The following GPC6 variants were observed in gnomAD, a reference collection of about 807,000 sequenced individuals.
The protein encoded by GPC6 is glypican 6.
GPC6 carries 14 observed loss-of-function variants against 55.2 expected under a neutral mutation model. That is an observed-to-expected ratio of 0.25 (90% CI 0.17 to 0.40). The LOEUF (loss-of-function observed/expected upper bound fraction) is 0.40, where lower values mean the gene tolerates loss of function less well. Ranked by LOEUF, GPC6 falls within the 10% of genes least tolerant of loss-of-function variation. The probability of loss-of-function intolerance (pLI) is 1.00; values close to 1 mark genes in which losing one functional copy is unlikely to be tolerated. For missense variants in GPC6, 641 were observed against 708.5 expected, an observed-to-expected ratio of 0.90 and a Z score of 1.08; for synonymous variants, 278 against 259.6, an observed-to-expected ratio of 1.07 and a Z score of -0.68.
At chr13:93,632,341 C>T (rs919533803) in intron 2 of GPC6, among the ~76,000 whole-genome samples, 1 of 152,050 alleles carries the variant, frequency 6.6e-6, no homozygotes, top group Admixed American at 6.6e-5. Flanking sequence ...GGCACAGTGG[C>T]TCAAGCCACT....
intron 1 of GPC6, among the ~76,000 whole-genome samples, chr13:93,376,426 CA>C (rs1874901524): frequency 6.6e-6 from 1 of 152,086 alleles, no homozygotes; most frequent in South Asian, 2.1e-4. Context: ...GAAACAAAGT[CA>C]GGGTTTATAT....
intron 4 of GPC6, among the ~76,000 whole-genome samples, chr13:94,116,881 A>T (rs1886449761): frequency 6.6e-6 from 1 of 152,012 alleles, no homozygotes; most frequent in African/African-American, 2.4e-5. Context: ...GTTAACATCA[A>T]CTTCTTTGTC....
intron 3 of GPC6, among the ~76,000 whole-genome samples, chr13:93,970,617 A>T (rs1467602475): frequency 1.3e-5 from 2 of 152,134 alleles, no homozygotes; most frequent in East Asian, 3.9e-4. Flanking sequence ...ATGATATGAC[A>T]CTGTGTTAGA....
At chr13:94,241,990 A>G (rs1399467121) in intron 4 of GPC6, among the ~76,000 whole-genome samples, 1 of 151,844 alleles carries the variant, frequency 6.6e-6, no homozygotes, top group Non-Finnish European at 1.5e-5. Context: ...ACATATGTAT[A>G]CATGTGCCAT....
chr13:94,270,230 T>G (rs192493981), intron 4 of GPC6, among the ~76,000 whole-genome samples: 2 of 152,304 alleles, frequency 1.3e-5, no homozygotes, highest in African/African-American at 4.8e-5. Context: ...TAAATAACTG[T>G]CAATTTAAAG....
At chr13:94,050,264 T>G (rs746696415) in intron 4 of GPC6, among the ~76,000 whole-genome samples, 1 of 152,182 alleles carries the variant, frequency 6.6e-6, no homozygotes, top group Non-Finnish European at 1.5e-5. Context: ...AATAAATTAC[T>G]GAATAACAGA....
At chr13:93,420,154 G>A (rs1876874706) in intron 1 of GPC6, among the ~76,000 whole-genome samples, 3 of 152,140 alleles carry the variant, frequency 2.0e-5, no homozygotes, top group Non-Finnish European at 4.4e-5. Flanking sequence ...CACCAACAAT[G>A]TTGTCAAACT....
intron 1 of GPC6, among the ~76,000 whole-genome samples, chr13:93,402,998 C>T (rs976958047): frequency 6.6e-6 from 1 of 152,036 alleles, no homozygotes; most frequent in Non-Finnish European, 1.5e-5. Context: ...GAAAAATACA[C>T]ATTTATAAAT....
intron 7 of GPC6, among the ~76,000 whole-genome samples, chr13:94,396,744 A>C (rs1302541097): frequency 1.3e-5 from 2 of 152,178 alleles, no homozygotes; most frequent in African/African-American, 4.8e-5. Context: ...GTCCCTGGAG[A>C]GAGTATGAGA....
intron 5 of GPC6, among the ~76,000 whole-genome samples, chr13:94,302,634 A>G (rs1197302101): frequency 6.6e-6 from 1 of 152,214 alleles, no homozygotes; most frequent in East Asian, 1.9e-4. Context: ...AACAACGGCA[A>G]AGTACTCCTT....
At chr13:93,349,748 T>C (rs2139162379) in intron 1 of GPC6, among the ~76,000 whole-genome samples, 1 of 152,328 alleles carries the variant, frequency 6.6e-6, no homozygotes, top group Non-Finnish European at 1.5e-5. Context: ...TTAATGTTCC[T>C]TGTATCAGAC....
At chr13:93,537,546 A>T (rs1299004886) in intron 1 of GPC6, among the ~76,000 whole-genome samples, 3 of 145,540 alleles carry the variant, frequency 2.1e-5, no homozygotes, top group Non-Finnish European at 4.5e-5. Context: ...TTGTGTGTTT[A>T]CACGTGGAGC....
At chr13:94,004,991 G>A (rs1397920863) in intron 3 of GPC6, among the ~76,000 whole-genome samples, 2 of 152,068 alleles carry the variant, frequency 1.3e-5, no homozygotes, top group African/African-American at 4.8e-5. Flanking sequence ...AAACCCCAGG[G>A]GGAGGCGGAG....
At chr13:94,078,317 G>A (rs572327529) in intron 4 of GPC6, among the ~76,000 whole-genome samples, 1 of 151,744 alleles carries the variant, frequency 6.6e-6, no homozygotes, top group Admixed American at 6.6e-5. Context: ...AAAGGAGAAT[G>A]ATCTCAAAAA....
chr13:93,239,669 T>C (rs1325505303), intron 1 of GPC6, among the ~76,000 whole-genome samples: 2 of 151,960 alleles, frequency 1.3e-5, no homozygotes, highest in African/African-American at 4.8e-5. Context: ...TCTTTTCTGC[T>C]ACCTTTGGGT....
intron 1 of GPC6, among the ~76,000 whole-genome samples, chr13:93,316,858 G>A (rs1443212756): frequency 6.6e-6 from 1 of 152,060 alleles, no homozygotes. Flanking sequence ...ACGTTTTAAT[G>A]TATTTTGCTT....
intron 4 of GPC6, among the ~76,000 whole-genome samples, chr13:94,062,836 C>T (rs550329784): frequency 6.6e-6 from 1 of 152,232 alleles, no homozygotes; most frequent in South Asian, 2.1e-4. Context: ...CAGTACCTTA[C>T]ATATATAGAG....
chr13:93,604,237 C>A (rs952808162), intron 2 of GPC6, among the ~76,000 whole-genome samples: 1 of 152,170 alleles, frequency 6.6e-6, no homozygotes, highest in Non-Finnish European at 1.5e-5. Context: ...TATGAATGGC[C>A]ATGGCACAGT....
At chr13:94,031,645 G>C (rs1883144521) in intron 4 of GPC6, among the ~76,000 whole-genome samples, 1 of 152,174 alleles carries the variant, frequency 6.6e-6, no homozygotes, top group Non-Finnish European at 1.5e-5. Context: ...TCCCAGCCTA[G>C]CTTTTGCATG....
Sources: gnomAD v4.1 joint callset for allele counts (sites outside exome capture counted in the v4.1 genomes callset) on GRCh38, gnomAD v4.1.1 for gene constraint, MANE v1.5 for transcripts, NCBI Gene and HGNC (gene_info 2026-07-23, HGNC 2026-07-21) for gene names.